The following PCDHA2 variants were observed in gnomAD, a reference collection of about 807,000 sequenced individuals.
PCDHA2 encodes the protein protocadherin alpha-2.
Under a neutral mutation model 66.0 loss-of-function variants are expected in PCDHA2, and 58 were observed. That is an observed-to-expected ratio of 0.88 (90% confidence interval 0.71 to 1.09). The LOEUF is 1.09. Among genes scored for constraint, PCDHA2 ranks in the 50% least tolerant of loss-of-function variants. The pLI is 0.00. For synonymous variants in PCDHA2, 634 were observed against 554.0 expected (o/e 1.14, Z -2.03); for missense variants, 1,267 against 1,242.3 (o/e 1.02, Z -0.30).
chr5:140,933,503 AAAGACT>A (rs2089194435), intron 1 of PCDHA2, among the ~76,000 whole-genome samples: 1 of 152,098 alleles, frequency 6.6e-6, no homozygotes, highest in Non-Finnish European at 1.5e-5. Flanking sequence ...ATTGTTAAGC[AAAGACT>A]ACAGCTGTTT....
intron 1 of PCDHA2, among the ~76,000 whole-genome samples, chr5:140,874,852 A>C (rs2153316930): frequency 6.6e-6 from 1 of 152,334 alleles, no homozygotes; most frequent in African/African-American, 2.4e-5. Context: ...GACATATTTT[A>C]GTTTCTTATC....
intron 1 of PCDHA2, among the ~76,000 whole-genome samples, chr5:140,976,680 C>T (rs2096726528): frequency 6.6e-6 from 1 of 152,146 alleles, no homozygotes; most frequent in African/African-American, 2.4e-5. Context: ...CTCATTTTTG[C>T]AATTTAAGTA....
chr5:140,870,356 G>C lies in PCDHA2; in HGVS notation c.2388+73004G>C, dbSNP rs17119218. On this transcript the variant is annotated intron_variant, in intron 1 of 3. Coordinates refer to ENST00000526136, the MANE Select transcript of PCDHA2 (RefSeq NM_018905.3). ...AGCGCCCTGGACCGCGAGAACGTGT[G>C]GGCCTATGAACTGGTGGTGACTGCG... 1,853 of 1,614,212 alleles carry C rather than the reference G, an allele frequency of 1.1e-3. 14 individuals are homozygous for C. In the African/African-American group the frequency reaches 0.018, roughly 16 times the overall value.
intron 1 of PCDHA2, among the ~76,000 whole-genome samples, chr5:140,898,794 T>G (rs1487494121): frequency 1.3e-5 from 2 of 152,236 alleles, no homozygotes; most frequent in East Asian, 3.8e-4. Flanking sequence ...ATGGCCATTT[T>G]CACGATACTG....
In PCDHA2 at chr5:140,836,084, G is replaced by A. The variant is rs141420166; in HGVS notation, c.2388+38732G>A. On this transcript the variant is annotated intron_variant, in intron 1 of 3. Transcript: ENST00000526136. Reference sequence around the variant, plus strand: ...ACGACAACGCGCCGGCACTGCTGGCGCCTCGGGTGGGTGGCACTGGTGGCG... The same window carrying A: ...ACGACAACGCGCCGGCACTGCTGGCACCTCGGGTGGGTGGCACTGGTGGCG... The A allele has an allele frequency of 2.8e-5, 45 of 1,613,684 alleles. 1 individual carries two copies. The highest frequency in any genetic ancestry group is 3.6e-5 in the Non-Finnish European group (43 of 1,179,784).
chr5:140,883,946 G>C lies in PCDHA2; in HGVS notation c.2388+86594G>C, dbSNP rs139225969. ...GCAGGTGTTCGTGCTGGACGAGAACGACAACGCTCCGGCGCTGCTGACGCC... is the reference window on the plus strand; with the variant it reads ...GCAGGTGTTCGTGCTGGACGAGAACCACAACGCTCCGGCGCTGCTGACGCC... On this transcript the variant is annotated intron_variant, in intron 1 of 3. Coordinates refer to ENST00000526136, the MANE Select transcript of PCDHA2 (RefSeq NM_018905.3). The C allele has an allele frequency of 4.8e-5, 77 of 1,613,392 alleles. No individual in the cohort carries two copies. In the African/African-American group the frequency reaches 8.8e-4, roughly 18 times the overall value.
At chr5:140,920,505 T>C (rs545028033) in intron 1 of PCDHA2, among the ~76,000 whole-genome samples, 1 of 152,344 alleles carries the variant, frequency 6.6e-6, no homozygotes, top group South Asian at 2.1e-4. Flanking sequence ...TTCTACATAC[T>C]GTTTTATGCA....
At position 140,852,208 on chromosome 5, in the gene PCDHA2, C is replaced by G. The variant is rs536842960; in HGVS notation, c.2388+54856C>G. On this transcript the variant is annotated intron_variant, in intron 1 of 3. Transcript: ENST00000526136. ...AAATGCCAGTAACGTTTATTTAAAA[C>G]AAAATATTTTAATTTTTAAATTTTC... 9.1e-6 allele frequency: 6 copies of G among 657,544 alleles called. No homozygotes were observed. In the African/African-American group the frequency reaches 1.2e-4, roughly 13 times the overall value. The allele number at this position is 657,544 out of a possible 1,614,324, so 40.7% of individuals were successfully genotyped here. A position where few individuals can be genotyped will look rare whatever the true frequency, so the allele number is the denominator to read the frequency against.
chr5:140,834,360 A>G (rs1554134119), intron 1 of PCDHA2: 1 of 1,549,278 alleles, frequency 6.5e-7, no homozygotes. Context: ...TTTGCTGACT[A>G]GAAAAACAAG....
chr5:140,922,876 A>G (rs782530609), intron 1 of PCDHA2, among the ~76,000 whole-genome samples: 10 of 152,234 alleles, frequency 6.6e-5, no homozygotes, highest in Non-Finnish European at 1.3e-4. Flanking sequence ...GAAAAAATCC[A>G]AAGACATCAT....
Position 140,827,946 on chromosome 5 carries a change from T to C in PCDHA2, c.2388+30594T>C, listed in dbSNP as rs1769465051. ...ACCATGAAGTTATAGCTAGCCAACA[T>C]TCAAATTTCTTCTATTACTGCATCA... On this transcript the variant is annotated intron_variant, in intron 1 of 3. Coordinates refer to ENST00000526136, the MANE Select transcript of PCDHA2 (RefSeq NM_018905.3). The C allele has an allele frequency of 9.0e-6, 11 of 1,225,792 alleles. No individual in the cohort carries two copies. In the South Asian group the frequency reaches 1.3e-4, roughly 15 times the overall value. 75.9% of individuals were successfully genotyped at this position (1,225,792 alleles called of 1,614,324 possible).
intron 1 of PCDHA2, chr5:140,857,146 CGTCATTGCCCT>C: frequency 6.3e-7 from 1 of 1,598,132 alleles, no homozygotes; most frequent in Non-Finnish European, 8.6e-7. Context: ...AAGTGGGCAC[CGTCATTGCCCT>C]AATCAGCGTT....
At chr5:140,951,822 C>T (rs926525028) in intron 1 of PCDHA2, among the ~76,000 whole-genome samples, 11 of 152,152 alleles carry the variant, frequency 7.2e-5, no homozygotes, top group African/African-American at 2.7e-4. Flanking sequence ...AAAGTCTGAA[C>T]TCATTCCAGC....
intron 1 of PCDHA2, among the ~76,000 whole-genome samples, chr5:140,937,247 C>T (rs1370735573): frequency 6.6e-6 from 1 of 151,974 alleles, no homozygotes; most frequent in Non-Finnish European, 1.5e-5. Context: ...CCGTGTTAGC[C>T]AGGATGGTCT....
At chr5:140,835,807 T>C in intron 1 of PCDHA2, 1 of 1,612,998 alleles carries the variant, frequency 6.2e-7, no homozygotes, top group East Asian at 2.2e-5. Flanking sequence ...TGCCACATCT[T>C]CACTGTGTCG....
chr5:140,835,741 C>T lies in PCDHA2; in HGVS notation c.2388+38389C>T, dbSNP rs2150243716. ...GTGGCCGACGTGAACGACAACGCCC[C>T]GGCGTTCGCGCAGCCCGAGTATACG... is the stretch of plus-strand genomic sequence containing the variant. On this transcript the variant is annotated intron_variant, in intron 1 of 3. Coordinates refer to ENST00000526136, the MANE Select transcript of PCDHA2 (RefSeq NM_018905.3). 4.3e-6 allele frequency: 7 copies of T among 1,613,704 alleles called. No homozygotes were observed. In the East Asian group the frequency reaches 6.7e-5, roughly 15 times the overall value.
At chr5:140,877,340 A>G (rs782755927) in intron 1 of PCDHA2, 9 of 1,613,820 alleles carry the variant, frequency 5.6e-6, no homozygotes, top group Admixed American at 1.7e-5. Context: ...ATCCCGTTCC[A>G]CGTGGGGCTG....
chr5:140,825,986 T>C (rs1768779774), intron 1 of PCDHA2: 1 of 152,306 alleles, frequency 6.6e-6, no homozygotes, highest in Non-Finnish European at 1.5e-5. Context: ...TATGGATTTA[T>C]AGGTAGTAAA....
At chr5:140,875,445 C>A (rs2055496471) in intron 1 of PCDHA2, 1 of 1,582,278 alleles carries the variant, frequency 6.3e-7, no homozygotes, top group Middle Eastern at 1.7e-4. Context: ...AACTGATTGT[C>A]CCAACTCAGA....
Sources: gnomAD v4.1 joint callset for allele counts (sites outside exome capture counted in the v4.1 genomes callset) on GRCh38, gnomAD v4.1.1 for gene constraint, MANE v1.5 for transcripts, NCBI Gene and HGNC (gene_info 2026-07-23, HGNC 2026-07-21) for gene names.